The following L3MBTL4 variants were observed in gnomAD, a reference collection of about 807,000 sequenced individuals.
L3MBTL4 encodes the protein lethal(3)malignant brain tumor-like protein 4.
A neutral mutation model predicts 84.5 loss-of-function variants in L3MBTL4; 70 were observed. That is an observed-to-expected ratio of 0.83 (90% CI 0.68 to 1.01). The LOEUF (loss-of-function observed/expected upper bound fraction) is 1.01, where lower values mean the gene tolerates loss of function less well. Ranked by LOEUF, L3MBTL4 falls within the 50% of genes least tolerant of loss-of-function variation. The pLI is 0.00. For synonymous variants in L3MBTL4, 274 were observed against 259.8 expected, an observed-to-expected ratio of 1.05 and a Z score of -0.52; for missense variants, 715 against 754.8, an observed-to-expected ratio of 0.95 and a Z score of 0.62.
intron 4 of L3MBTL4, among the ~76,000 whole-genome samples, chr18:6,292,200 A>G (rs190298761): frequency 1.1e-4 from 16 of 152,296 alleles, no homozygotes; most frequent in African/African-American, 3.6e-4. Flanking sequence ...ACGCTACTCA[A>G]TGGCTACGAC....
At position 5,964,126 on chromosome 18, in the gene L3MBTL4, C is replaced by T. The variant is rs190255502; in HGVS notation, c.1615-3970G>A. 4.6e-5 allele frequency among the ~76,000 whole-genome samples: 7 copies of T among 152,366 alleles called. No individual in the cohort carries two copies. In the East Asian group the frequency reaches 9.7e-4, roughly 21 times the overall value. On this transcript the variant is annotated intron_variant, in intron 17 of 18. Transcript: ENST00000317931. ...CACAGTGCTGTGACCACTGACACAC[C>T]AGCACTTCCCACATTCTCAGGCACG...
intron 13 of L3MBTL4, among the ~76,000 whole-genome samples, chr18:6,139,618 C>CT (rs1413265325): frequency 6.6e-6 from 1 of 152,216 alleles, no homozygotes; most frequent in East Asian, 1.9e-4. Flanking sequence ...CAATCCCACA[C>CT]TTTCCTTCTC....
chr18:6,052,972 G>A (rs1000563943), intron 16 of L3MBTL4, among the ~76,000 whole-genome samples: 2 of 152,184 alleles, frequency 1.3e-5, no homozygotes, highest in African/African-American at 4.8e-5. Context: ...AGGACGTCCC[G>A]TTAATTTGTA....
At chr18:6,306,634 T>C (rs2050598060) in intron 3 of L3MBTL4, among the ~76,000 whole-genome samples, 1 of 152,232 alleles carries the variant, frequency 6.6e-6, no homozygotes. Context: ...TTTGATGTCA[T>C]TCTTTAAAGG....
chr18:6,041,572 C>T (rs1014026430), intron 16 of L3MBTL4, among the ~76,000 whole-genome samples: 4 of 151,018 alleles, frequency 2.6e-5, no homozygotes, highest in African/African-American at 9.8e-5. Flanking sequence ...TCACTACCTG[C>T]TCTTCCTGTG....
At chr18:6,399,283 C>T (rs1341103800) in intron 1 of L3MBTL4, among the ~76,000 whole-genome samples, 1 of 151,980 alleles carries the variant, frequency 6.6e-6, no homozygotes. Context: ...ACTAAAAATA[C>T]ATAAATTACC....
intron 16 of L3MBTL4, among the ~76,000 whole-genome samples, chr18:5,995,482 T>C (rs2053915994): frequency 6.6e-6 from 1 of 152,082 alleles, no homozygotes; most frequent in Admixed American, 6.6e-5. Context: ...AATAAGAAAA[T>C]GGGAACTCTG....
chr18:6,012,270 C>T (rs952325076), intron 16 of L3MBTL4, among the ~76,000 whole-genome samples: 2 of 152,060 alleles, frequency 1.3e-5, no homozygotes, highest in Admixed American at 6.5e-5. Context: ...AGGGCCACAG[C>T]AAATGCACTG....
chr18:6,142,177 T>A (rs1321653237), intron 13 of L3MBTL4, among the ~76,000 whole-genome samples: 4 of 152,252 alleles, frequency 2.6e-5, no homozygotes, highest in African/African-American at 9.6e-5. Flanking sequence ...TTGTTTAATG[T>A]CTATCTCTCT....
chr18:6,045,305 A>G (rs146111300), intron 16 of L3MBTL4, among the ~76,000 whole-genome samples: 1 of 152,238 alleles, frequency 6.6e-6, no homozygotes, highest in Non-Finnish European at 1.5e-5. Context: ...GGCAAAGAAG[A>G]AATAAAATCT....
intron 5 of L3MBTL4, among the ~76,000 whole-genome samples, chr18:6,251,312 G>T (rs903643258): frequency 6.6e-6 from 1 of 152,174 alleles, no homozygotes; most frequent in African/African-American, 2.4e-5. Flanking sequence ...GCGAGAAACC[G>T]CCAAACACTT....
At chr18:6,381,803 A>T (rs1451564443) in intron 1 of L3MBTL4, among the ~76,000 whole-genome samples, 1 of 152,062 alleles carries the variant, frequency 6.6e-6, no homozygotes. Context: ...TCTGACAATT[A>T]CGTGTCTTGG....
chr18:6,370,508 G>A (rs1475092535), intron 1 of L3MBTL4, among the ~76,000 whole-genome samples: 1 of 152,144 alleles, frequency 6.6e-6, no homozygotes, highest in Admixed American at 6.5e-5. Context: ...CACGCCTCCC[G>A]TTCAGCACAG....
intron 17 of L3MBTL4, among the ~76,000 whole-genome samples, chr18:5,968,629 C>T (rs779441720): frequency 6.6e-5 from 10 of 152,018 alleles, no homozygotes; most frequent in Middle Eastern, 3.4e-3. Context: ...TCCAGGAGTT[C>T]AAGGCTGCAG....
In L3MBTL4 at chr18:5,996,405, C is replaced by T. The variant is rs571959211; in HGVS notation, c.1445-26843G>A. On this transcript the variant is annotated intron_variant, in intron 16 of 18. Coordinates refer to ENST00000317931, the MANE Select transcript of L3MBTL4 (RefSeq NM_001330559.2). ...AAGAGCATGTTTATGTAAAATGGAG[C>T]GCTGGCAGTGAGCTGTACGTTTTTG... Among the ~76,000 whole-genome samples the T allele has an allele frequency of 2.8e-4, 42 of 152,288 alleles. No individual in the cohort carries two copies. The South Asian group carries it at 5.8e-3, about 21-fold the overall frequency.
At position 5,960,135 on chromosome 18, in the gene L3MBTL4, G is replaced by A. The variant is rs750648052; in HGVS notation, c.1636C>T (p.Leu546Phe). The change falls in exon 18 of 19, where the codon CTT becomes TTT. Residue 546 changes from leucine to phenylalanine, a missense_variant. Transcript: ENST00000317931. ...TTGGCATGCTCTTCACAGCCCAGAA[G>A]AGACTGTACAAACTCAGCCACCTAC... ...VDEVAEFVQSLLGCEEHAKCF... is the reference protein window; with the variant it reads ...VDEVAEFVQSFLGCEEHAKCF... 51 of 1,593,462 alleles carry A rather than the reference G, an allele frequency of 3.2e-5. No homozygotes were observed. In the East Asian group the frequency reaches 1.0e-3, roughly 32 times the overall value.
At chr18:6,017,685 G>A (rs1206474357) in intron 16 of L3MBTL4, 4 of 152,172 alleles carry the variant, frequency 2.6e-5, no homozygotes, top group African/African-American at 9.7e-5. Flanking sequence ...AGAGGAAAGA[G>A]CAATTAATTC....
chr18:6,196,364 G>A (rs151161713), intron 12 of L3MBTL4, among the ~76,000 whole-genome samples: 6,214 of 151,908 alleles, frequency 0.041, 174 homozygotes, highest in Middle Eastern at 0.058. Context: ...TCACCGTGTT[G>A]GCCAGGATGG....
intron 14 of L3MBTL4, among the ~76,000 whole-genome samples, chr18:6,120,915 CTGCTACAAACATTCTGGTGCA>C (rs2059501514): frequency 6.6e-6 from 1 of 152,140 alleles, no homozygotes; most frequent in Non-Finnish European, 1.5e-5. Flanking sequence ...ATAAATAGCG[CTGCTACAAACATTCTGGTGCA>C]TGTCTTTTGG....
Sources: allele counts gnomAD v4.1 joint callset (sites outside exome capture counted in the v4.1 genomes callset), GRCh38; gene constraint gnomAD v4.1.1; transcripts MANE v1.5; gene names NCBI Gene and HGNC (gene_info 2026-07-23, HGNC 2026-07-21).